OSGIN1: variants seen among roughly 807,000 people sequenced by gnomAD.
OSGIN1 encodes the protein oxidative stress-induced growth inhibitor 1.
In OSGIN1, 19 loss-of-function variants were observed where a neutral mutation model predicts 20.1. The observed-to-expected ratio is 0.95, with a 90% CI of 0.66 to 1.39. The LOEUF is 1.39. OSGIN1 is among the 40% of genes most tolerant of loss of function. The pLI is 0.00. For synonymous variants in OSGIN1, 368 were observed against 297.8 expected (o/e 1.24, Z -2.43); for missense variants, 820 against 653.0 (o/e 1.26, Z -2.79).
At position 83,965,924 on chromosome 16, in the gene OSGIN1, G is replaced by A. The variant is rs867987163; in HGVS notation, c.1351G>A (p.Asp451Asn). The A allele has an allele frequency of 2.5e-6, 4 of 1,612,676 alleles. No individual in the cohort carries two copies. Among genetic ancestry groups the A allele is most frequent in the Middle Eastern group, 3.3e-4 (2 of 6,062 alleles). The stretch of plus-strand genomic sequence containing the variant: ...GTACGCCATGGGGCCGCTGGCCGGG[G>A]ACAACTTCGTGAGGTTTGTGCAGGG... ...GLYAMGPLAG[D>N]NFVRFVQGGA... The change falls in exon 6 of 6, where the codon GAC (aspartate) becomes AAC (asparagine). Residue 451 changes from aspartate (D) to asparagine (N), a missense_variant. Coordinates refer to ENST00000393306, the MANE Select transcript of OSGIN1 (RefSeq NM_182981.3).
chr16:83,955,864 G>A (rs201365748), intron 1 of OSGIN1, among the ~76,000 whole-genome samples: 13 of 152,218 alleles, frequency 8.5e-5, no homozygotes, highest in East Asian at 7.7e-4. Flanking sequence ...GGAGGTCTTC[G>A]GTGCTGGGCA....
intron 3 of OSGIN1, among the ~76,000 whole-genome samples, chr16:83,959,799 TCTCAAC>T: frequency 6.6e-6 from 1 of 151,980 alleles, no homozygotes; most frequent in East Asian, 2.0e-4. Flanking sequence ...TGGTGGAGCT[TCTCAAC>T]CTTGGCCCCA....
chr16:83,953,450 G>A (rs1291586368), intron 1 of OSGIN1, 80 bp downstream of exon 1: 3 of 1,224,562 alleles, frequency 2.4e-6, no homozygotes, highest in Non-Finnish European at 2.1e-6. Flanking sequence ...TGGACCGGAG[G>A]GTCTGCAGAG....
At position 83,953,315 on chromosome 16, in the gene OSGIN1, C is replaced by G. The variant is rs1014511286; in HGVS notation, c.-88C>G. On this transcript the variant is annotated 5_prime_UTR_variant, in exon 1 of 6. Coordinates refer to ENST00000393306, the MANE Select transcript of OSGIN1 (RefSeq NM_182981.3). ...ACTCTGTGATCCGTGTTCCCCTGAC[C>G]CTCCTAGTGCACAACTTGGCCGGGC... 2 of 1,288,838 alleles carry G rather than the reference C, an allele frequency of 1.6e-6. No homozygotes were observed. Among genetic ancestry groups the G allele is most frequent in the Non-Finnish European group, 1.0e-6 (1 of 988,566 alleles). The allele number at this position is 1,288,838 out of a possible 1,614,324, so 79.8% of individuals were successfully genotyped here.
intron 5 of OSGIN1, 70 bp from the exon 6 acceptor site, chr16:83,964,992 T>TCTGCC: frequency 4.3e-6 from 4 of 932,334 alleles, no homozygotes; most frequent in East Asian, 2.5e-5. Context: ...GCCCTGGACA[T>TCTGCC]CTCCCGTCCC....
chr16:83,956,733 T>C (rs929672282), intron 1 of OSGIN1, among the ~76,000 whole-genome samples: 1 of 152,184 alleles, frequency 6.6e-6, no homozygotes, highest in Non-Finnish European at 1.5e-5. Context: ...ACACAGTAAG[T>C]GCCAAATGCT....
In OSGIN1 at chr16:83,963,880, A is replaced by G. The variant is rs180870586; in HGVS notation, c.489-1182A>G. On this transcript the variant is annotated intron_variant, in intron 5 of 5. Coordinates refer to ENST00000393306, the MANE Select transcript of OSGIN1 (RefSeq NM_182981.3). ...CCGCCACAAGAATGGGCCTGCAGTC[A>G]CTGCCCCTGGAAAGAGTGACAATCC... Among the ~76,000 whole-genome samples, 4 of 148,892 alleles carry G rather than the reference A, an allele frequency of 2.7e-5. No homozygotes were observed. The East Asian group carries it at 7.7e-4, about 29-fold the overall frequency.
At chr16:83,961,371 G>A (rs937249493) in intron 5 of OSGIN1, 30 of 395,256 alleles carry the variant, frequency 7.6e-5, no homozygotes, top group South Asian at 1.5e-4. Context: ...CTTCCAGGTC[G>A]CAGGTAGGTG....
At chr16:83,961,205 G>C in intron 5 of OSGIN1, 133 bp downstream of exon 5, 3 of 694,902 alleles carry the variant, frequency 4.3e-6, no homozygotes, top group Non-Finnish European at 7.5e-6. Context: ...ACAGCCTCAG[G>C]AAGTCCTAAT....
rs2136662 is a variant in OSGIN1, at chr16:83,960,964, G to C, written c.397-17G>C. ...AGGCGAGCAGAGGCCTGGACCAAAG[G>C]GTTCCTTTCCCTGCAGTCCATCGAA... On this transcript the variant is annotated splice_polypyrimidine_tract_variant and intron_variant, in intron 4 of 5. Coordinates refer to ENST00000393306, the MANE Select transcript of OSGIN1 (RefSeq NM_182981.3). The C allele has an allele frequency of 2.4e-5, 38 of 1,610,902 alleles. No individual in the cohort carries two copies. The highest frequency in any genetic ancestry group is 3.1e-5 in the Non-Finnish European group (36 of 1,177,950).
At chr16:83,956,415 G>A (rs1162629260) in intron 1 of OSGIN1, among the ~76,000 whole-genome samples, 2 of 152,228 alleles carry the variant, frequency 1.3e-5, no homozygotes, top group African/African-American at 4.8e-5. Context: ...GAATTCTGGA[G>A]GCAGGTGGCC....
chr16:83,960,823 G>T (rs550801872), intron 4 of OSGIN1, 63 bp downstream of exon 4: 5 of 1,554,472 alleles, frequency 3.2e-6, no homozygotes, highest in African/African-American at 2.7e-5. Context: ...CCCACTTGGG[G>T]CTGGGACTCT....
intron 5 of OSGIN1, among the ~76,000 whole-genome samples, chr16:83,963,918 C>T (rs1310879322): frequency 6.6e-6 from 1 of 152,226 alleles, no homozygotes; most frequent in African/African-American, 2.4e-5. Flanking sequence ...ACAACAACAA[C>T]AATAATAGAA....
intron 1 of OSGIN1, among the ~76,000 whole-genome samples, chr16:83,955,865 G>A (rs1238146440): frequency 6.6e-6 from 1 of 152,124 alleles, no homozygotes; most frequent in Non-Finnish European, 1.5e-5. Flanking sequence ...GAGGTCTTCG[G>A]TGCTGGGCAC....
At chr16:83,962,092 C>G (rs1407082704) in intron 5 of OSGIN1, among the ~76,000 whole-genome samples, 1 of 151,902 alleles carries the variant, frequency 6.6e-6, no homozygotes, top group Non-Finnish European at 1.5e-5. Flanking sequence ...ACAGCTCACC[C>G]CAAACCCACA....
At chr16:83,956,907 G>C (rs2151075322) in intron 1 of OSGIN1, 2 of 152,348 alleles carry the variant, frequency 1.3e-5, no homozygotes, top group African/African-American at 4.8e-5. Flanking sequence ...GGGTCCCTTT[G>C]AGCGATTTGG....
chr16:83,965,139 G>T lies in OSGIN1; in HGVS notation c.566G>T (p.Gly189Val). 6.2e-7 allele frequency: 1 copy of T among 1,613,472 alleles called. No homozygotes were observed. The highest frequency in any genetic ancestry group is 8.5e-7 in the Non-Finnish European group (1 of 1,180,010). ...GACTACGTGGTCAAGAAGGGTCTGG[G>T]GCATAACTTTGTGTCCGGTGCTGTA... ...YRDYVVKKGL[G>V]HNFVSGAVVT... is the part of the protein sequence containing the mutation. The change falls in exon 6 of 6, where the codon GGG becomes GTG. Residue 189 changes from glycine to valine, a missense_variant. Coordinates refer to ENST00000393306, the MANE Select transcript of OSGIN1 (RefSeq NM_182981.3).
chr16:83,954,738 G>C, intron 1 of OSGIN1: 1 of 984,814 alleles, frequency 1.0e-6, no homozygotes, highest in Non-Finnish European at 1.2e-6. Context: ...CCTGGACTTG[G>C]AGCCCCAAAG....
chr16:83,953,899 A>AGGG (rs781365516), intron 1 of OSGIN1, among the ~76,000 whole-genome samples: 1 of 152,208 alleles, frequency 6.6e-6, no homozygotes, highest in East Asian at 1.9e-4. Flanking sequence ...GGGGAGCTGC[A>AGGG]GGAGACCCTG....
Sources: gnomAD v4.1 joint callset for allele counts (sites outside exome capture counted in the v4.1 genomes callset) on GRCh38, gnomAD v4.1.1 for gene constraint, MANE v1.5 for transcripts, NCBI Gene and HGNC (gene_info 2026-07-23, HGNC 2026-07-21) for gene names.